FAM53B: variants seen among roughly 807,000 people sequenced by gnomAD.
FAM53B encodes the protein protein FAM53B.
In FAM53B, 12 loss-of-function variants were observed where a neutral mutation model predicts 32.7. That is an observed-to-expected ratio of 0.37 (90% CI 0.24 to 0.59). FAM53B has a LOEUF of 0.59. Among genes scored for constraint, FAM53B ranks in the 20% least tolerant of loss-of-function variants. FAM53B has a pLI of 0.72. For missense variants in FAM53B, 477 were observed against 577.7 expected (o/e 0.83, Z 1.79); for synonymous variants, 234 against 228.7 (o/e 1.02, Z -0.21).
chr10:124,642,669 C>T lies in FAM53B; in HGVS notation c.907-19065G>A, dbSNP rs562365988. The stretch of plus-strand genomic sequence containing the variant: ...GAGACACAGGGGCACGTGCAACTGC[C>T]GATCACAGAAGCTTTCAGACAGTGA... On this transcript the variant is annotated intron_variant, in intron 4 of 4. Coordinates refer to ENST00000337318, the MANE Select transcript of FAM53B (RefSeq NM_014661.4). Among the ~76,000 whole-genome samples, 109 of 152,194 alleles carry T rather than the reference C, an allele frequency of 7.2e-4. 1 individual carries two copies. In the South Asian group the frequency reaches 0.022, roughly 31 times the overall value.
intron 2 of FAM53B, among the ~76,000 whole-genome samples, chr10:124,702,475 T>G (rs1389711384): frequency 6.6e-6 from 1 of 152,228 alleles, no homozygotes; most frequent in Non-Finnish European, 1.5e-5. Context: ...ATTTCTTCAG[T>G]TATTTACATC....
At chr10:124,643,485 G>C (rs1466806468) in intron 4 of FAM53B, among the ~76,000 whole-genome samples, 5 of 152,248 alleles carry the variant, frequency 3.3e-5, no homozygotes, top group African/African-American at 9.6e-5. Flanking sequence ...GTCTGAAGCT[G>C]TGAAAGCCTC....
At position 124,639,547 on chromosome 10, in the gene FAM53B, T is replaced by G. The variant is rs925143618; in HGVS notation, c.907-15943A>C. Among the ~76,000 whole-genome samples, 3 of 152,076 alleles carry G rather than the reference T, an allele frequency of 2.0e-5. 1 individual carries two copies. Among genetic ancestry groups the G allele is most frequent in the African/African-American group, 7.2e-5 (3 of 41,416 alleles). On this transcript the variant is annotated intron_variant, in intron 4 of 4. Transcript: ENST00000337318. ...AGACCCAGCTCAAGGCCCAGGGTGC[T>G]TGGCAGGTGGGGCTCCCACTCAGAG...
intron 4 of FAM53B, among the ~76,000 whole-genome samples, chr10:124,626,195 C>T (rs1041229009): frequency 2.1e-4 from 32 of 152,244 alleles, no homozygotes; most frequent in African/African-American, 7.5e-4. Flanking sequence ...CGCACGTGAA[C>T]GCAGCAGGAG....
chr10:124,739,575 C>A (rs1256468944), intron 1 of FAM53B, among the ~76,000 whole-genome samples: 2 of 152,186 alleles, frequency 1.3e-5, no homozygotes, highest in African/African-American at 4.8e-5. Context: ...GGGCTGTTTA[C>A]GAACATGATT....
At chr10:124,694,052 C>A (rs1421337052) in intron 3 of FAM53B, among the ~76,000 whole-genome samples, 1 of 152,204 alleles carries the variant, frequency 6.6e-6, no homozygotes, top group African/African-American at 2.4e-5. Context: ...AAAGATGAGA[C>A]CCATGGAGAG....
chr10:124,708,796 T>C (rs1271864885), intron 1 of FAM53B, among the ~76,000 whole-genome samples: 1 of 152,240 alleles, frequency 6.6e-6, no homozygotes, highest in Non-Finnish European at 1.5e-5. Flanking sequence ...GAGCTGCCTG[T>C]TCCCTCCTCC....
intron 4 of FAM53B, among the ~76,000 whole-genome samples, chr10:124,657,442 T>TTCTCAGCG (rs1469785265): frequency 6.6e-6 from 1 of 152,146 alleles, no homozygotes; most frequent in East Asian, 1.9e-4. Context: ...CAAGAGTCAC[T>TTCTCAGCG]TCTCAGCGTT....
At chr10:124,663,635 G>A (rs770045887) in intron 4 of FAM53B, among the ~76,000 whole-genome samples, 3 of 152,188 alleles carry the variant, frequency 2.0e-5, no homozygotes, top group Non-Finnish European at 2.9e-5. Flanking sequence ...GGTGGGCACC[G>A]AGGTTCTGAA....
chr10:124,639,758 G>C (rs140471375), intron 4 of FAM53B, among the ~76,000 whole-genome samples: 1 of 151,896 alleles, frequency 6.6e-6, no homozygotes, highest in East Asian at 1.9e-4. Flanking sequence ...CCGCATCCCA[G>C]AGTGCCTAGC....
intron 1 of FAM53B, among the ~76,000 whole-genome samples, chr10:124,727,072 G>A (rs1173619225): frequency 6.6e-6 from 1 of 152,202 alleles, no homozygotes; most frequent in Non-Finnish European, 1.5e-5. Flanking sequence ...AGGCTGGAGT[G>A]CAGTGGCACG....
chr10:124,665,547 G>C (rs1273275332), intron 4 of FAM53B, among the ~76,000 whole-genome samples: 2 of 152,220 alleles, frequency 1.3e-5, no homozygotes, highest in Admixed American at 1.3e-4. Context: ...TGGCTTCCTA[G>C]AACAATCCCA....
intron 2 of FAM53B, 106 bp downstream of exon 2, chr10:124,706,530 G>T: frequency 7.1e-7 from 1 of 1,408,158 alleles, no homozygotes; most frequent in Non-Finnish European, 1.0e-6. Flanking sequence ...TGCTCTTGGG[G>T]ACTCTGGACT....
At position 124,715,023 on chromosome 10, in the gene FAM53B, C is replaced by T. The variant is rs561522323; in HGVS notation, c.-174-8136G>A. Among the ~76,000 whole-genome samples the T allele has an allele frequency of 2.0e-5, 3 of 152,336 alleles. No homozygotes were observed. The East Asian group carries it at 5.8e-4, about 29-fold the overall frequency. Reference sequence around the variant, plus strand: ...GGCACAAAGACTCAACCCACATCTACAGAACTCCAAAGTCTGTCTTAACCC... The same window carrying T: ...GGCACAAAGACTCAACCCACATCTATAGAACTCCAAAGTCTGTCTTAACCC... On this transcript the variant is annotated intron_variant, in intron 1 of 4. Coordinates refer to ENST00000337318, the MANE Select transcript of FAM53B (RefSeq NM_014661.4).
chr10:124,627,411 A>G (rs934361152), intron 4 of FAM53B, among the ~76,000 whole-genome samples: 5 of 152,236 alleles, frequency 3.3e-5, no homozygotes, highest in African/African-American at 1.2e-4. Flanking sequence ...ATGTCTGCAA[A>G]AAGCCGCAAA....
chr10:124,712,846 G>C (rs932370738), intron 1 of FAM53B, among the ~76,000 whole-genome samples: 1 of 152,240 alleles, frequency 6.6e-6, no homozygotes, highest in African/African-American at 2.4e-5. Flanking sequence ...AAGAGCAAAA[G>C]GCAAGGTCAG....
At chr10:124,650,145 T>C (rs1949547146) in intron 4 of FAM53B, among the ~76,000 whole-genome samples, 2 of 152,236 alleles carry the variant, frequency 1.3e-5, no homozygotes. Flanking sequence ...ATATTCTTAG[T>C]AATATAATTA....
chr10:124,738,562 C>G lies in FAM53B; in HGVS notation c.-175+5451G>C, dbSNP rs538493042. Among the ~76,000 whole-genome samples, 17 of 151,968 alleles carry G rather than the reference C, an allele frequency of 1.1e-4. No individual in the cohort carries two copies. The East Asian group carries it at 2.9e-3, about 26-fold the overall frequency. On this transcript the variant is annotated intron_variant, in intron 1 of 4. Transcript: ENST00000337318. ...CTCCTTATTCTTCCTTCAAAACACA[C>G]GCACACTCACACCCCCCCGAGAAGC...
At chr10:124,690,666 C>T (rs770152894) in intron 3 of FAM53B, among the ~76,000 whole-genome samples, 1 of 152,172 alleles carries the variant, frequency 6.6e-6, no homozygotes, top group African/African-American at 2.4e-5. Context: ...TGAAAAACTG[C>T]CTGAAACCAA....
Sources: gnomAD v4.1 joint callset for allele counts (sites outside exome capture counted in the v4.1 genomes callset) on GRCh38, gnomAD v4.1.1 for gene constraint, MANE v1.5 for transcripts, NCBI Gene and HGNC (gene_info 2026-07-23, HGNC 2026-07-21) for gene names.